The following NPHP3 variants were observed in gnomAD, a reference collection of about 807,000 sequenced individuals.
NPHP3 encodes the protein nephrocystin-3.
In NPHP3, 123 loss-of-function variants were observed where a neutral mutation model predicts 171.9. The observed-to-expected ratio is 0.72, with a 90% confidence interval of 0.62 to 0.83. The LOEUF is 0.83. Ranked by LOEUF, NPHP3 falls within the 40% of genes least tolerant of loss-of-function variation. NPHP3 has a pLI of 0.00. For missense variants in NPHP3, 1,506 were observed against 1,591.9 expected, an observed-to-expected ratio of 0.95 and a Z score of 0.92; for synonymous variants, 558 against 579.2, an observed-to-expected ratio of 0.96 and a Z score of 0.52.
rs544912479 is a variant in NPHP3, at chr3:132,722,205, C to A, written c.151G>T (p.Ala51Ser). 52 of 1,513,214 alleles carry A rather than the reference C, an allele frequency of 3.4e-5. No individual in the cohort carries two copies. In the African/African-American group the frequency reaches 5.4e-4, roughly 16 times the overall value. The allele number at this position is 1,513,214 out of a possible 1,614,324, so 93.7% of individuals were successfully genotyped here. A position where few individuals can be genotyped will look rare whatever the true frequency, so the allele number is the denominator to read the frequency against. The change falls in exon 1 of 27, where the codon GCG (alanine) becomes TCG (serine). Residue 51 changes from alanine (A) to serine (S), a missense_variant. Transcript: ENST00000337331. Reference protein sequence around the residue: ...LRNSFRRGAGAAAGAGPGSLP... With the variant: ...LRNSFRRGAGSAAGAGPGSLP... The stretch of plus-strand genomic sequence containing the variant: ...GACCCGGGCCCGGCCCCTGCTGCCG[C>A]CCCCGCGCCTCGGCGGAACGAGTTG...
At chr3:132,717,415 CATG>C (rs1940083102) in intron 3 of NPHP3, 2 of 157,074 alleles carry the variant, frequency 1.3e-5, no homozygotes, top group African/African-American at 2.4e-5. Context: ...TACTTATGAA[CATG>C]ATGATTTTCT....
At chr3:132,694,741 A>G (rs945762183) in intron 16 of NPHP3, 86 bp downstream of exon 16, 48 of 1,527,928 alleles carry the variant, frequency 3.1e-5, no homozygotes, top group Non-Finnish European at 4.0e-5. Flanking sequence ...ATTTAAGCAC[A>G]AATTTTAAAA....
intron 23 of NPHP3, chr3:132,686,027 C>G (rs556597300): frequency 3.1e-5 from 13 of 412,968 alleles, no homozygotes; most frequent in South Asian, 2.8e-4. Context: ...CCAGCCTGGG[C>G]AACAGAGCGA....
chr3:132,722,323 C>T lies in NPHP3; in HGVS notation c.33G>A (p.Ala11=). MGTASSLVSP[A]GGEVIEDTYG... The stretch of plus-strand genomic sequence containing the variant: ...ACGTGTCCTCGATCACTTCCCCGCC[C>T]GCGGGGCTCACGAGCGACGAGGCGG... The change falls in exon 1 of 27, where the codon GCG becomes GCA. Residue 11 remains alanine, a synonymous_variant. Coordinates refer to ENST00000337331, the MANE Select transcript of NPHP3 (RefSeq NM_153240.5). The T allele has an allele frequency of 6.3e-7, 1 of 1,580,424 alleles. No individual in the cohort carries two copies. Among genetic ancestry groups the T allele is most frequent in the Non-Finnish European group, 8.5e-7 (1 of 1,172,430 alleles).
Position 132,715,258 on chromosome 3 carries a change from G to C in NPHP3, c.824-40C>G, listed in dbSNP as rs1189240782. 3 of 1,573,756 alleles carry C rather than the reference G, an allele frequency of 1.9e-6. No homozygotes were observed. The East Asian group carries it at 6.7e-5, about 35-fold the overall frequency. ...TCTCAAGTTCATGAAAAAATTACCA[G>C]AACACATTTGATCATTCTAAAAAAG... is the stretch of plus-strand genomic sequence containing the variant. On this transcript the variant is annotated intron_variant, in intron 4 of 26. Coordinates refer to ENST00000337331, the MANE Select transcript of NPHP3 (RefSeq NM_153240.5).
rs2108007880 is a variant in NPHP3, at chr3:132,722,159, G to A, written c.197C>T (p.Ala66Val). The A allele has an allele frequency of 6.3e-7, 1 of 1,580,734 alleles. No individual in the cohort carries two copies. Residue 66 changes from alanine (A) to valine (V), a missense_variant, in exon 1 of 27, where the codon GCG (alanine) becomes GTG (valine). Around this residue, in one of 3 missense-constraint regions of NPHP3, gnomAD observed 930 missense variants for 924.9 expected, o/e 1.01. Coordinates refer to ENST00000337331, the MANE Select transcript of NPHP3 (RefSeq NM_153240.5). ...GPGSLPRGVG[A>V]GGLLGASFKS... ...GAAGCTGGCCCCCAGCAGCCCGCCC[G>A]CGCCCACCCCGCGGGGCAGCGACCC...
At chr3:132,704,146 C>T in intron 9 of NPHP3, 52 bp downstream of exon 9, 2 of 1,499,830 alleles carry the variant, frequency 1.3e-6, no homozygotes, top group Admixed American at 1.7e-5. Flanking sequence ...AATCATAATA[C>T]AGCCTTTAAG....
intron 23 of NPHP3, 62 bp from the exon 24 acceptor site, chr3:132,684,856 C>A: frequency 6.3e-7 from 1 of 1,583,082 alleles, no homozygotes; most frequent in East Asian, 2.2e-5. Flanking sequence ...AATCCTGACC[C>A]CTAAATTAAG....
intron 24 of NPHP3, 80 bp from the exon 25 acceptor site, chr3:132,683,604 T>G (rs1240764397): frequency 8.3e-7 from 1 of 1,205,278 alleles, no homozygotes; most frequent in Non-Finnish European, 1.2e-6. Flanking sequence ...TAAGTAAAAT[T>G]TCATATTAAA....
At chr3:132,717,060 T>C (rs1279307440) in intron 3 of NPHP3, 151 bp from the exon 4 acceptor site, 10 of 805,456 alleles carry the variant, frequency 1.2e-5, no homozygotes, top group Non-Finnish European at 2.0e-5. Flanking sequence ...CATCGACTTT[T>C]GGCAAAGTTC....
At chr3:132,698,707 G>T (rs74529024) in intron 13 of NPHP3, among the ~76,000 whole-genome samples, 1 of 152,030 alleles carries the variant, frequency 6.6e-6, no homozygotes, top group South Asian at 2.1e-4. Context: ...ACATCGTTAC[G>T]TGGAGCTACT....
chr3:132,681,750 T>A lies in NPHP3; in HGVS notation c.*160A>T. ...CAACTAAAACAGACATAATCACAATTCCAACTTAATGTAATCCAATACAAC... is the reference window on the plus strand; with the variant it reads ...CAACTAAAACAGACATAATCACAATACCAACTTAATGTAATCCAATACAAC... On this transcript the variant is annotated 3_prime_UTR_variant, in exon 27 of 27. Coordinates refer to ENST00000337331, the MANE Select transcript of NPHP3 (RefSeq NM_153240.5). The A allele has an allele frequency of 2.9e-6, 2 of 685,062 alleles. No homozygotes were observed. The highest frequency in any genetic ancestry group is 5.1e-6 in the Non-Finnish European group (2 of 389,596). 42.4% of individuals were successfully genotyped at this position (685,062 alleles called of 1,614,324 possible).
chr3:132,713,331 A>C (rs780760339), intron 5 of NPHP3, 45 bp from the exon 6 acceptor site: 1 of 1,357,070 alleles, frequency 7.4e-7, no homozygotes, highest in Non-Finnish European at 1.0e-6. Context: ...TATTTAACTA[A>C]AGATCAAGTG....
At chr3:132,711,135 A>T (rs1426594390) in intron 6 of NPHP3, among the ~76,000 whole-genome samples, 2 of 152,176 alleles carry the variant, frequency 1.3e-5, no homozygotes, top group Non-Finnish European at 2.9e-5. Flanking sequence ...TTCTAGATTC[A>T]TCTTTTGGGA....
chr3:132,684,495 A>C (rs1192611962), intron 24 of NPHP3, 59 bp downstream of exon 24: 3 of 1,583,034 alleles, frequency 1.9e-6, no homozygotes, highest in Non-Finnish European at 2.6e-6. Context: ...TTTTGCTGAT[A>C]GTAGTTATGG....
intron 15 of NPHP3, 182 bp from the exon 16 acceptor site, chr3:132,695,147 C>T (rs1939420649): frequency 1.7e-6 from 1 of 589,080 alleles, no homozygotes; most frequent in African/African-American, 1.9e-5. Flanking sequence ...GTTTATTTTA[C>T]TATATATAAT....
At position 132,699,402 on chromosome 3, in the gene NPHP3, C is replaced by A. The variant is rs1362469132; in HGVS notation, c.1936G>T (p.Val646Leu). 1.9e-6 allele frequency: 3 copies of A among 1,612,758 alleles called. No individual in the cohort carries two copies. Among genetic ancestry groups the A allele is most frequent in the Non-Finnish European group, 2.5e-6 (3 of 1,179,884 alleles). The change falls in exon 13 of 27, where the codon GTA (valine) becomes TTA (leucine). Residue 646 changes from valine to leucine, a missense_variant. Coordinates refer to ENST00000337331, the MANE Select transcript of NPHP3 (RefSeq NM_153240.5). ...KWLIDPLPVNVRVIVSVNVET... is the reference protein window; with the variant it reads ...KWLIDPLPVNLRVIVSVNVET... Reference sequence around the variant, plus strand: ...ACATTCACAGAAACAATTACTCTTACATTCACTGGCAGTGGATCTATCAGC... The same window carrying A: ...ACATTCACAGAAACAATTACTCTTAAATTCACTGGCAGTGGATCTATCAGC...
chr3:132,696,838 A>C, intron 14 of NPHP3, 25 bp from the exon 15 acceptor site: 1 of 1,602,556 alleles, frequency 6.2e-7, no homozygotes, highest in South Asian at 1.1e-5. Flanking sequence ...CAAGAAAAAC[A>C]AAACAGAAAT....
chr3:132,700,314 CA>C lies in NPHP3; in HGVS notation c.1743+19del, dbSNP rs1332925278. On this transcript the variant is annotated intron_variant, in intron 11 of 26. Transcript: ENST00000337331. ...GAATCTAAATAAAATTCTGTAATTC[CA>C]AAAGATGGGATACTATACCTTTAGA... The C allele has an allele frequency of 1.3e-6, 2 of 1,522,034 alleles. No homozygotes were observed. Among genetic ancestry groups the C allele is most frequent in the Non-Finnish European group, 1.8e-6 (2 of 1,096,700 alleles). The allele number at this position is 1,522,034 out of a possible 1,614,324, so 94.3% of individuals were successfully genotyped here. A position where few individuals can be genotyped will look rare whatever the true frequency, so the allele number is the denominator to read the frequency against.
Sources: allele counts gnomAD v4.1 joint callset (sites outside exome capture counted in the v4.1 genomes callset), GRCh38; gene constraint gnomAD v4.1.1; regional missense constraint gnomAD v4.1.1; transcripts MANE v1.5; gene names NCBI Gene and HGNC (gene_info 2026-07-23, HGNC 2026-07-21).